KDM4B: variants seen among roughly 807,000 people sequenced by gnomAD.
KDM4B encodes lysine demethylase 4B.
A neutral mutation model predicts 125.2 loss-of-function variants in KDM4B; 32 were observed. That is an observed-to-expected ratio of 0.26 (90% CI 0.19 to 0.34). The LOEUF is 0.34. Among genes scored for constraint, KDM4B ranks in the 10% least tolerant of loss-of-function variants. The probability of loss-of-function intolerance (pLI) is 1.00; values close to 1 mark genes in which losing one functional copy is unlikely to be tolerated. For synonymous variants in KDM4B, 721 were observed against 677.9 expected, an observed-to-expected ratio of 1.06 and a Z score of -0.99; for missense variants, 1,190 against 1,577.7, an observed-to-expected ratio of 0.75 and a Z score of 4.16.
chr19:4,990,673 G>C (rs958083514), intron 1 of KDM4B, among the ~76,000 whole-genome samples: 5 of 152,180 alleles, frequency 3.3e-5, no homozygotes, highest in African/African-American at 1.2e-4. Context: ...ACTAGTTCTG[G>C]TCGCCTCTCC....
chr19:5,088,671 C>CT (rs1308228514), intron 9 of KDM4B, among the ~76,000 whole-genome samples: 1 of 145,630 alleles, frequency 6.9e-6, no homozygotes, highest in Non-Finnish European at 1.5e-5. Context: ...CCCCTCCCCC[C>CT]CCCCGCAAAA....
Position 5,112,259 on chromosome 19 carries a change from AAAAC to A in KDM4B, c.1115+1457_1115+1460del, listed in dbSNP as rs147666442. The A allele has an allele frequency of 3.2e-3, 527 of 164,798 alleles. 2 individuals carry two copies. Among genetic ancestry groups the A allele is most frequent in the African/African-American group, 0.011 (470 of 41,864 alleles). The allele number at this position is 164,798 out of a possible 1,614,324, so 10.2% of individuals were successfully genotyped here. A position where few individuals can be genotyped will look rare whatever the true frequency, so the allele number is the denominator to read the frequency against. On this transcript the variant is annotated intron_variant, in intron 10 of 22. Coordinates refer to ENST00000159111, the MANE Select transcript of KDM4B (RefSeq NM_015015.3). ...CAGAGCAAGACCTTGTCTCTCCAGG[AAAAC>A]AAACAAACAAACAAAAAAACATGTA...
chr19:5,134,697 G>A (rs2039617702), intron 14 of KDM4B, among the ~76,000 whole-genome samples: 1 of 152,234 alleles, frequency 6.6e-6, no homozygotes, highest in African/African-American at 2.4e-5. Context: ...TGCCAAGCAT[G>A]TCCAGGCATC....
chr19:5,007,031 C>A (rs1029943483), intron 1 of KDM4B, among the ~76,000 whole-genome samples: 1 of 152,068 alleles, frequency 6.6e-6, no homozygotes, highest in Admixed American at 6.6e-5. Context: ...GAGGACCAGG[C>A]GCAGACCTGG....
At chr19:4,991,759 C>A (rs750600276) in intron 1 of KDM4B, among the ~76,000 whole-genome samples, 10 of 151,986 alleles carry the variant, frequency 6.6e-5, no homozygotes, top group Non-Finnish European at 1.5e-4. Flanking sequence ...TCTGCTTCTC[C>A]CTTCTGTCAC....
At chr19:4,984,964 G>A (rs2034778366) in intron 1 of KDM4B, among the ~76,000 whole-genome samples, 1 of 152,158 alleles carries the variant, frequency 6.6e-6, no homozygotes, top group Non-Finnish European at 1.5e-5. Flanking sequence ...CACAGTGGGT[G>A]TTACCCTAAC....
intron 17 of KDM4B, 69 bp downstream of exon 17, chr19:5,137,745 G>T: frequency 7.0e-7 from 1 of 1,421,016 alleles, no homozygotes; most frequent in Non-Finnish European, 9.5e-7. Context: ...GCTCTGCAGG[G>T]TGTGACCCCA....
chr19:4,969,621 AT>A (rs1188227304), intron 1 of KDM4B, among the ~76,000 whole-genome samples: 3 of 151,164 alleles, frequency 2.0e-5, no homozygotes, highest in Non-Finnish European at 4.4e-5. Flanking sequence ...GCCTCGGCCT[AT>A]TATTATTATT....
intron 1 of KDM4B, among the ~76,000 whole-genome samples, chr19:4,996,315 G>C (rs1484100123): frequency 6.6e-6 from 1 of 152,118 alleles, no homozygotes; most frequent in African/African-American, 2.4e-5. Flanking sequence ...AAACAATGCT[G>C]CTGGCCACAT....
At chr19:5,117,711 C>T (rs1298815554) in intron 10 of KDM4B, among the ~76,000 whole-genome samples, 1 of 152,170 alleles carries the variant, frequency 6.6e-6, no homozygotes, top group Non-Finnish European at 1.5e-5. Context: ...CCCGTGTCCC[C>T]CATCCACCTC....
At chr19:5,100,973 C>T (rs1295979286) in intron 9 of KDM4B, among the ~76,000 whole-genome samples, 4 of 152,116 alleles carry the variant, frequency 2.6e-5, no homozygotes, top group Non-Finnish European at 4.4e-5. Context: ...GTGATTCCAG[C>T]ACTTTGGGAG....
intron 1 of KDM4B, among the ~76,000 whole-genome samples, chr19:4,981,014 G>A (rs1009214829): frequency 2.0e-4 from 31 of 152,124 alleles, no homozygotes; most frequent in Non-Finnish European, 3.4e-4. Flanking sequence ...GTGGCCCGGC[G>A]GGCCTGCAGG....
chr19:5,137,395 C>A, intron 16 of KDM4B, 57 bp downstream of exon 16: 1 of 1,485,256 alleles, frequency 6.7e-7, no homozygotes, highest in Non-Finnish European at 9.1e-7. Context: ...CCCGGCCCCA[C>A]TCCAGTGGGG....
intron 21 of KDM4B, among the ~76,000 whole-genome samples, chr19:5,147,524 C>T (rs571739234): frequency 3.2e-4 from 48 of 152,164 alleles, no homozygotes; most frequent in Non-Finnish European, 5.9e-4. Context: ...GTGGGCAGAG[C>T]GCTTGAGCAC....
chr19:5,041,617 G>T (rs1451564316), intron 5 of KDM4B, among the ~76,000 whole-genome samples: 1 of 152,244 alleles, frequency 6.6e-6, no homozygotes, highest in Non-Finnish European at 1.5e-5. Flanking sequence ...CCACCTGCTG[G>T]ATTCGGCTCC....
intron 10 of KDM4B, among the ~76,000 whole-genome samples, chr19:5,118,788 T>C (rs2039304175): frequency 6.6e-6 from 1 of 152,210 alleles, no homozygotes; most frequent in African/African-American, 2.4e-5. Flanking sequence ...GTTGAATCCC[T>C]TACTTGGGGC....
chr19:5,010,108 C>T (rs2035682236), intron 1 of KDM4B, among the ~76,000 whole-genome samples: 1 of 152,198 alleles, frequency 6.6e-6, no homozygotes, highest in African/African-American at 2.4e-5. Flanking sequence ...TCGTCCAGGA[C>T]CCCACTCACC....
chr19:5,028,750 C>T (rs912310775), intron 2 of KDM4B, among the ~76,000 whole-genome samples: 1 of 152,184 alleles, frequency 6.6e-6, no homozygotes, highest in Non-Finnish European at 1.5e-5. Flanking sequence ...CACCGTCTGT[C>T]ATTCTGATTC....
chr19:5,085,669 C>T (rs971557513), intron 9 of KDM4B, among the ~76,000 whole-genome samples: 2 of 152,236 alleles, frequency 1.3e-5, no homozygotes, highest in Non-Finnish European at 2.9e-5. Flanking sequence ...CTCCTGGACC[C>T]CCCAGCCCCG....
Sources: allele counts gnomAD v4.1 joint callset (sites outside exome capture counted in the v4.1 genomes callset), GRCh38; gene constraint gnomAD v4.1.1; transcripts MANE v1.5; gene names NCBI Gene and HGNC (gene_info 2026-07-23, HGNC 2026-07-21).